The following RNF130 variants were observed in gnomAD, a reference collection of about 807,000 sequenced individuals.
The protein encoded by RNF130 is E3 ubiquitin-protein ligase RNF130.
RNF130 carries 21 observed loss-of-function variants against 44.6 expected under a neutral mutation model. That is an observed-to-expected ratio of 0.47 (90% confidence interval 0.33 to 0.68). RNF130 has a LOEUF of 0.68. RNF130 is among the 30% of genes least tolerant of loss of function. RNF130 has a pLI of 0.02. For synonymous variants in RNF130, 214 were observed against 210.4 expected (o/e 1.02, Z -0.15); for missense variants, 479 against 560.6 (o/e 0.85, Z 1.47).
At chr5:180,028,156 T>C (rs1764034951) in intron 2 of RNF130, among the ~76,000 whole-genome samples, 1 of 152,198 alleles carries the variant, frequency 6.6e-6, no homozygotes, top group East Asian at 1.9e-4. Flanking sequence ...TAGAATACTC[T>C]TCTCAACTCC....
At chr5:179,974,063 G>A (rs183281283) in intron 5 of RNF130, among the ~76,000 whole-genome samples, 1 of 152,110 alleles carries the variant, frequency 6.6e-6, no homozygotes, top group Non-Finnish European at 1.5e-5. Flanking sequence ...AAGGTGAGTT[G>A]CTCTCACAGC....
At chr5:179,972,871 A>G (rs1222362563) in intron 5 of RNF130, among the ~76,000 whole-genome samples, 1 of 152,048 alleles carries the variant, frequency 6.6e-6, no homozygotes, top group Non-Finnish European at 1.5e-5. Context: ...TTCTTGAGTA[A>G]CTGTTTCCTT....
chr5:180,009,467 A>T (rs767670454), intron 3 of RNF130, among the ~76,000 whole-genome samples: 11 of 152,256 alleles, frequency 7.2e-5, no homozygotes, highest in Non-Finnish European at 1.5e-5. Context: ...AAGAGGATAT[A>T]CGGATGGCAA....
intron 8 of RNF130, among the ~76,000 whole-genome samples, chr5:179,957,946 C>G (rs1415052600): frequency 6.6e-6 from 1 of 150,692 alleles, no homozygotes; most frequent in Non-Finnish European, 1.5e-5. Context: ...GGCGGGATCT[C>G]GGCTCACTGC....
In RNF130 at chr5:179,980,201, C is replaced by T; in HGVS notation, c.694-1G>A. On this transcript the variant is annotated splice_acceptor_variant, in intron 3 of 8. Coordinates refer to ENST00000521389, the MANE Select transcript of RNF130 (RefSeq NM_018434.6). LOFTEE classifies it high-confidence loss of function. ...TCTTGGCTGCATCTCCGAGACGACG[C>T]TATGAAAATTGCAAATAAAAACAGA... The T allele has an allele frequency of 6.2e-7, 1 of 1,613,978 alleles. No individual in the cohort carries two copies. Among genetic ancestry groups the T allele is most frequent in the Non-Finnish European group, 8.5e-7 (1 of 1,179,898 alleles).
intron 3 of RNF130, among the ~76,000 whole-genome samples, chr5:179,982,708 T>C (rs772827850): frequency 2.5e-4 from 38 of 152,192 alleles, no homozygotes; most frequent in Non-Finnish European, 4.4e-4. Context: ...GCCTCTGGAA[T>C]AGCAGGAACT....
intron 5 of RNF130, among the ~76,000 whole-genome samples, chr5:179,976,266 A>G (rs978053763): frequency 6.6e-6 from 1 of 152,240 alleles, no homozygotes; most frequent in Non-Finnish European, 1.5e-5. Flanking sequence ...AAACTACTTT[A>G]GGCCGAGCCT....
intron 2 of RNF130, among the ~76,000 whole-genome samples, chr5:180,031,625 A>G (rs1764132974): frequency 6.6e-6 from 1 of 152,236 alleles, no homozygotes; most frequent in African/African-American, 2.4e-5. Flanking sequence ...TTTTATGGAC[A>G]TATAACTTGT....
At chr5:180,055,106 G>A (rs979056977) in intron 1 of RNF130, among the ~76,000 whole-genome samples, 6 of 151,862 alleles carry the variant, frequency 4.0e-5, no homozygotes, top group African/African-American at 1.5e-4. Context: ...ACTTTGGGTG[G>A]CCAAGGCGGG....
chr5:179,964,041 G>A (rs1042143790), intron 7 of RNF130: 9 of 156,214 alleles, frequency 5.8e-5, no homozygotes, highest in Admixed American at 3.1e-4. Context: ...GCTCCCAGCC[G>A]TCTGCGAGCC....
intron 1 of RNF130, among the ~76,000 whole-genome samples, chr5:180,049,178 C>A (rs1000895534): frequency 6.6e-6 from 1 of 152,154 alleles, no homozygotes; most frequent in Non-Finnish European, 1.5e-5. Flanking sequence ...AAAAAGAAAG[C>A]TTCTTTGGTT....
chr5:179,981,077 A>C (rs1762825832), intron 3 of RNF130, among the ~76,000 whole-genome samples: 1 of 152,086 alleles, frequency 6.6e-6, no homozygotes, highest in African/African-American at 2.4e-5. Flanking sequence ...GTTAGATGGG[A>C]AAGGCGTAGG....
At chr5:179,934,763 A>C (rs1010795679) in intron 7 of RNF130, among the ~76,000 whole-genome samples, 4 of 151,992 alleles carry the variant, frequency 2.6e-5, no homozygotes, top group African/African-American at 9.7e-5. Flanking sequence ...AGCTGGTCTC[A>C]AACTCCTGGC....
intron 2 of RNF130, among the ~76,000 whole-genome samples, chr5:180,038,275 G>A (rs1013775974): frequency 6.6e-6 from 1 of 151,318 alleles, no homozygotes; most frequent in Non-Finnish European, 1.5e-5. Flanking sequence ...GGCTGGTCTC[G>A]AACTCCTGGG....
intron 7 of RNF130, among the ~76,000 whole-genome samples, chr5:179,927,568 C>T (rs1761722684): frequency 1.3e-5 from 2 of 151,512 alleles, no homozygotes; most frequent in African/African-American, 2.4e-5. Context: ...AGACTTCTCC[C>T]ACACAGTTTA....
intron 7 of RNF130, among the ~76,000 whole-genome samples, chr5:179,946,140 A>C (rs1294456964): frequency 6.6e-6 from 1 of 152,250 alleles, no homozygotes; most frequent in Non-Finnish European, 1.5e-5. Flanking sequence ...CCTAGGGTGC[A>C]ACCCCCTACA....
intron 8 of RNF130, among the ~76,000 whole-genome samples, chr5:179,961,186 C>T (rs976342444): frequency 6.6e-6 from 1 of 152,102 alleles, no homozygotes; most frequent in East Asian, 1.9e-4. Context: ...AAGATAATCA[C>T]CACATTCTGG....
At chr5:179,998,603 T>C (rs1250248352) in intron 3 of RNF130, among the ~76,000 whole-genome samples, 2 of 152,202 alleles carry the variant, frequency 1.3e-5, no homozygotes, top group Admixed American at 1.3e-4. Flanking sequence ...CTAGCTGATA[T>C]CAAATCTTGT....
chr5:179,992,438 G>A (rs578226112), intron 3 of RNF130, among the ~76,000 whole-genome samples: 4 of 152,272 alleles, frequency 2.6e-5, no homozygotes, highest in East Asian at 3.9e-4. Context: ...CACCACGCCC[G>A]GCCCTAAATC....
Sources: gnomAD v4.1 joint callset for allele counts (sites outside exome capture counted in the v4.1 genomes callset) on GRCh38, gnomAD v4.1.1 for gene constraint, MANE v1.5 for transcripts, NCBI Gene and HGNC (gene_info 2026-07-23, HGNC 2026-07-21) for gene names.